Variants in ST6GALNAC3 observed in about 807,000 individuals in gnomAD.
ST6GALNAC3 encodes alpha-N-acetylgalactosaminide alpha-2,6-sialyltransferase 3.
ST6GALNAC3 carries 25 observed loss-of-function variants against 32.7 expected under a neutral mutation model. The observed-to-expected ratio is 0.76, with a 90% CI of 0.56 to 1.07. ST6GALNAC3 has a LOEUF of 1.07. Among genes scored for constraint, ST6GALNAC3 ranks in the 50% least tolerant of loss-of-function variants. The pLI, the probability that ST6GALNAC3 is intolerant of heterozygous loss-of-function variation, is 0.00. For synonymous variants in ST6GALNAC3, 129 were observed against 133.1 expected (o/e 0.97, Z 0.21); for missense variants, 355 against 382.4 (o/e 0.93, Z 0.60).
intron 2 of ST6GALNAC3, among the ~76,000 whole-genome samples, chr1:76,387,493 T>C (rs1652191093): frequency 6.6e-6 from 1 of 152,142 alleles, no homozygotes; most frequent in Non-Finnish European, 1.5e-5. Flanking sequence ...GATTCTGGTT[T>C]GGGCAGCTTG....
intron 3 of ST6GALNAC3, among the ~76,000 whole-genome samples, chr1:76,468,265 A>G (rs1021600490): frequency 6.6e-6 from 1 of 151,986 alleles, no homozygotes; most frequent in African/African-American, 2.4e-5. Context: ...ACCCCCACTT[A>G]GATACTGATT....
chr1:76,218,427 T>C (rs1655591952), intron 1 of ST6GALNAC3, among the ~76,000 whole-genome samples: 1 of 152,212 alleles, frequency 6.6e-6, no homozygotes, highest in Non-Finnish European at 1.5e-5. Context: ...AGCAAATCTT[T>C]ATTGAGTACC....
Position 76,587,017 on chromosome 1 carries a change from A to G in ST6GALNAC3, c.624-40435A>G, listed in dbSNP as rs144712561. Among the ~76,000 whole-genome samples the G allele has an allele frequency of 1.4e-4, 21 of 152,336 alleles. No individual in the cohort carries two copies. In the East Asian group the frequency reaches 4.1e-3, roughly 29 times the overall value. ...AACCTTTAAGTTAGACTGTGTGTCC[A>G]TTTGCAGTCAGTTCGTTGGATGATG... is the stretch of plus-strand genomic sequence containing the variant. On this transcript the variant is annotated intron_variant, in intron 3 of 4. Transcript: ENST00000328299.
At chr1:76,232,878 A>T (rs963761743) in intron 1 of ST6GALNAC3, among the ~76,000 whole-genome samples, 1 of 152,164 alleles carries the variant, frequency 6.6e-6, no homozygotes, top group Non-Finnish European at 1.5e-5. Context: ...TGAGTGTGTA[A>T]TCCAGGAGGC....
chr1:76,493,015 A>G (rs941098308), intron 3 of ST6GALNAC3, among the ~76,000 whole-genome samples: 4 of 151,910 alleles, frequency 2.6e-5, no homozygotes, highest in African/African-American at 9.7e-5. Context: ...GACATGAAAC[A>G]AAGAGTTGAC....
intron 3 of ST6GALNAC3, among the ~76,000 whole-genome samples, chr1:76,572,649 A>C (rs1423369437): frequency 6.6e-6 from 1 of 152,030 alleles, no homozygotes; most frequent in Non-Finnish European, 1.5e-5. Flanking sequence ...ACATTTCTTC[A>C]TTTGTTTTTA....
intron 3 of ST6GALNAC3, among the ~76,000 whole-genome samples, chr1:76,536,093 G>A (rs191755839): frequency 6.6e-6 from 1 of 152,168 alleles, no homozygotes; most frequent in Non-Finnish European, 1.5e-5. Flanking sequence ...AATAAGGACT[G>A]GAGACTCCAT....
rs1365010492 is a variant in ST6GALNAC3, at chr1:76,627,589, GC to G, written c.731+31del. On this transcript the variant is annotated intron_variant, in intron 4 of 4. Coordinates refer to ENST00000328299, the MANE Select transcript of ST6GALNAC3 (RefSeq NM_152996.4). Reference sequence around the variant, plus strand: ...GATCACAAGAAATTATTTTTATGCAGCTCCAATTCGGAGATCTTGTCAAAAT... The same window carrying G: ...GATCACAAGAAATTATTTTTATGCAGTCCAATTCGGAGATCTTGTCAAAAT... The G allele has an allele frequency of 2.0e-6, 3 of 1,463,908 alleles. No individual in the cohort carries two copies. The African/African-American group carries it at 4.2e-5, about 20-fold the overall frequency. The allele number at this position is 1,463,908 out of a possible 1,614,324, so 90.7% of individuals were successfully genotyped here. A position where few individuals can be genotyped will look rare whatever the true frequency, so the allele number is the denominator to read the frequency against.
intron 1 of ST6GALNAC3, among the ~76,000 whole-genome samples, chr1:76,253,875 T>G (rs2100705358): frequency 6.6e-6 from 1 of 152,108 alleles, no homozygotes; most frequent in African/African-American, 2.4e-5. Context: ...CATCTTCCAG[T>G]GAGATTTTGC....
intron 1 of ST6GALNAC3, among the ~76,000 whole-genome samples, chr1:76,231,378 A>C (rs1363757046): frequency 6.6e-6 from 1 of 152,160 alleles, no homozygotes; most frequent in Non-Finnish European, 1.5e-5. Flanking sequence ...CATGTTAACT[A>C]TTTTTAAGCG....
At chr1:76,223,635 C>T (rs981797662) in intron 1 of ST6GALNAC3, among the ~76,000 whole-genome samples, 21 of 152,144 alleles carry the variant, frequency 1.4e-4, no homozygotes, top group African/African-American at 5.1e-4. Context: ...ATCCATATTA[C>T]TATCTTGCAG....
Position 76,412,173 on chromosome 1 carries a change from G to A in ST6GALNAC3, c.379G>A (p.Val127Ile), listed in dbSNP as rs771009106. The A allele has an allele frequency of 1.9e-6, 3 of 1,613,586 alleles. No individual in the cohort carries two copies. The highest frequency in any genetic ancestry group is 2.5e-6 in the Non-Finnish European group (3 of 1,179,812). The change falls in exon 3 of 5, where the codon GTT becomes ATT. Residue 127 changes from valine (V) to isoleucine (I), a missense_variant. Physicochemically the swap from Val to Ile is conservative, Grantham distance 29 (BLOSUM62 3). Transcript: ENST00000328299. ...EDVGRMTMIR[V>I]VSHTSVPLLL... ...TGTCGGCCGCATGACCATGATTCGA[G>A]TTGTGTCCCATACCAGCGTTCCTCT...
At position 76,369,341 on chromosome 1, in the gene ST6GALNAC3, C is replaced by T. The variant is rs139490550; in HGVS notation, c.214-42667C>T. 6.6e-3 allele frequency among the ~76,000 whole-genome samples: 1,003 copies of T among 152,232 alleles called. 11 individuals are homozygous for T. Among genetic ancestry groups the T allele is most frequent in the Non-Finnish European group, 9.8e-3 (665 of 68,000 alleles). ...CTGGTACCTTGACTACTCTTTTTTC[C>T]TCTTCCACTTGCAGGTAGAACAACA... is the stretch of plus-strand genomic sequence containing the variant. On this transcript the variant is annotated intron_variant, in intron 2 of 4. Coordinates refer to ENST00000328299, the MANE Select transcript of ST6GALNAC3 (RefSeq NM_152996.4).
At chr1:76,568,441 A>G (rs1665679440) in intron 3 of ST6GALNAC3, among the ~76,000 whole-genome samples, 1 of 152,164 alleles carries the variant, frequency 6.6e-6, no homozygotes. Flanking sequence ...CATGTCATGT[A>G]TGCACTTTGT....
At chr1:76,466,790 C>T (rs7526216) in intron 3 of ST6GALNAC3, among the ~76,000 whole-genome samples, 25,326 of 151,828 alleles carry the variant, frequency 0.17, 2,303 homozygotes, top group African/African-American at 0.23. Flanking sequence ...TAATTGGCAA[C>T]GTTTAAAATT....
chr1:76,239,161 A>G (rs1265143877), intron 1 of ST6GALNAC3, among the ~76,000 whole-genome samples: 1 of 152,038 alleles, frequency 6.6e-6, no homozygotes, highest in Admixed American at 6.6e-5. Context: ...AAGAATCTGA[A>G]GGGAGTGATC....
intron 3 of ST6GALNAC3, among the ~76,000 whole-genome samples, chr1:76,469,980 G>C (rs116163810): frequency 6.6e-6 from 1 of 151,896 alleles, no homozygotes; most frequent in Non-Finnish European, 1.5e-5. Flanking sequence ...TTGGTAACTA[G>C]CAATTCTAAT....
chr1:76,240,731 G>T (rs1402660834), intron 1 of ST6GALNAC3, among the ~76,000 whole-genome samples: 4 of 152,146 alleles, frequency 2.6e-5, no homozygotes, highest in Non-Finnish European at 5.9e-5. Context: ...TTGTGAGCAG[G>T]CACGTGCACA....
intron 2 of ST6GALNAC3, among the ~76,000 whole-genome samples, chr1:76,365,001 A>G (rs910309511): frequency 6.6e-6 from 1 of 152,182 alleles, no homozygotes; most frequent in East Asian, 1.9e-4. Context: ...AAAAGAAATT[A>G]TATTTAAAAA....
Sources: gnomAD v4.1 joint callset for allele counts (sites outside exome capture counted in the v4.1 genomes callset) on GRCh38, gnomAD v4.1.1 for gene constraint, MANE v1.5 for transcripts, NCBI Gene and HGNC (gene_info 2026-07-23, HGNC 2026-07-21) for gene names.